The following CUX1 variants were observed in gnomAD, a reference collection of about 807,000 sequenced individuals.
The protein encoded by CUX1 is protein CASP.
Under a neutral mutation model 158.8 loss-of-function variants are expected in CUX1, and 31 were observed. The observed-to-expected ratio is 0.20, with a 90% CI of 0.15 to 0.26. The LOEUF (loss-of-function observed/expected upper bound fraction) is 0.26, where lower values mean the gene tolerates loss of function less well. Among genes scored for constraint, CUX1 ranks in the 10% least tolerant of loss-of-function variants. The pLI is 1.00. For synonymous variants in CUX1, 879 were observed against 862.1 expected (o/e 1.02, Z -0.34); for missense variants, 1,589 against 2,014.6 (o/e 0.79, Z 4.04).
At position 101,851,994 on chromosome 7, in the gene CUX1, A is replaced by C. The variant is rs527921589; in HGVS notation, c.30+34325A>C. The stretch of plus-strand genomic sequence containing the variant: ...CAGGTGCACACCACCACGCCTGGCT[A>C]ATTTTTTAAGTATTTTATAGAGATA... On this transcript the variant is annotated intron_variant, in intron 1 of 23. Coordinates refer to ENST00000292535, the MANE Select transcript of CUX1 (RefSeq NM_181552.4). Among the ~76,000 whole-genome samples, 241 of 151,774 alleles carry C rather than the reference A, an allele frequency of 1.6e-3. 1 individual carries two copies. The highest frequency in any genetic ancestry group is 5.7e-3 in the African/African-American group (235 of 41,420).
intron 2 of CUX1, among the ~76,000 whole-genome samples, chr7:101,987,370 C>T (rs569292366): frequency 5.9e-5 from 9 of 152,322 alleles, no homozygotes; most frequent in East Asian, 1.9e-4. Flanking sequence ...GATACTTCCA[C>T]GGTAATGGGT....
At chr7:102,271,171 CT>C (rs1791187955) in intron 14 of CUX1, among the ~76,000 whole-genome samples, 1 of 152,230 alleles carries the variant, frequency 6.6e-6, no homozygotes, top group Non-Finnish European at 1.5e-5. Flanking sequence ...GGTTCTCCAT[CT>C]CAGCCCTGTC....
rs142379427 is a variant in CUX1, at chr7:102,144,585, T to C, written c.675-13975T>C. Among the ~76,000 whole-genome samples the C allele has an allele frequency of 5.8e-3, 860 of 149,338 alleles. 6 individuals carry two copies. Among genetic ancestry groups the C allele is most frequent in the Middle Eastern group, 0.026 (7 of 268 alleles). ...ACTCAGGAGGCTGAGGTGGGAGGATTGCTTGAGCCCGGGAGGTTGAGGCTG... is the reference window on the plus strand; with the variant it reads ...ACTCAGGAGGCTGAGGTGGGAGGATCGCTTGAGCCCGGGAGGTTGAGGCTG... On this transcript the variant is annotated intron_variant, in intron 8 of 23. Transcript: ENST00000292535.
At chr7:102,089,628 A>G (rs1161318087) in intron 4 of CUX1, among the ~76,000 whole-genome samples, 1 of 152,172 alleles carries the variant, frequency 6.6e-6, no homozygotes, top group East Asian at 1.9e-4. Flanking sequence ...CCAGCCCTCA[A>G]ACTGTGGGAG....
intron 14 of CUX1, among the ~76,000 whole-genome samples, chr7:102,269,415 T>C (rs1791045170): frequency 6.6e-6 from 1 of 151,622 alleles, no homozygotes; most frequent in South Asian, 2.1e-4. Flanking sequence ...CCAAAGTCTT[T>C]TTTTTTTTAG....
chr7:102,073,598 C>T (rs768617207), intron 4 of CUX1, among the ~76,000 whole-genome samples: 6 of 152,170 alleles, frequency 3.9e-5, no homozygotes, highest in Non-Finnish European at 7.4e-5. Context: ...TCTTTCTCTG[C>T]AGTTACGTTC....
At chr7:102,184,331 A>T (rs1793423249) in intron 11 of CUX1, among the ~76,000 whole-genome samples, 1 of 152,246 alleles carries the variant, frequency 6.6e-6, no homozygotes. Context: ...CTGGCATTTC[A>T]GGACCCAGCT....
intron 1 of CUX1, among the ~76,000 whole-genome samples, chr7:101,909,697 A>G (rs1383825100): frequency 1.3e-5 from 2 of 152,194 alleles, no homozygotes; most frequent in African/African-American, 4.8e-5. Context: ...TTAAAGTTTG[A>G]GATAATAAAA....
intron 6 of CUX1, among the ~76,000 whole-genome samples, chr7:102,110,161 A>G (rs1263355254): frequency 6.6e-6 from 1 of 152,190 alleles, no homozygotes; most frequent in Admixed American, 6.5e-5. Flanking sequence ...CCTATTTCAT[A>G]TTCATATTAC....
chr7:102,281,898 T>G (rs1554549377), exon 21 of CUX1: 1 of 1,612,998 alleles, frequency 6.2e-7, no homozygotes, highest in Non-Finnish European at 8.5e-7. Flanking sequence ...TACACACTGT[T>G]CCTGCACTGC....
At position 102,256,592 on chromosome 7, in the gene CUX1, T is replaced by C; in HGVS notation, c.*7550T>C. 9 of 985,346 alleles carry C rather than the reference T, an allele frequency of 9.1e-6. No individual in the cohort carries two copies. The highest frequency in any genetic ancestry group is 1.1e-5 in the Non-Finnish European group (9 of 829,912). The allele number at this position is 985,346 out of a possible 1,614,324, so 61.0% of individuals were successfully genotyped here. A position where few individuals can be genotyped will look rare whatever the true frequency, so the allele number is the denominator to read the frequency against. On this transcript the variant is annotated 3_prime_UTR_variant, in exon 24 of 24. Transcript: ENST00000292535. ...ACTGGTGGTCTCTATGTGTCTAACT[T>C]TTTAAATGAGAGTGTTTATGAACAA...
intron 1 of CUX1, among the ~76,000 whole-genome samples, chr7:101,848,494 A>G (rs191535895): frequency 6.6e-6 from 1 of 152,230 alleles, no homozygotes; most frequent in East Asian, 1.9e-4. Context: ...CAGATGGCAA[A>G]AGAATTTGTT....
Position 102,249,655 on chromosome 7 carries a change from C to T in CUX1, c.*613C>T. 2.0e-6 allele frequency: 2 copies of T among 983,366 alleles called. No individual in the cohort carries two copies. Among genetic ancestry groups the T allele is most frequent in the Non-Finnish European group, 2.4e-6 (2 of 828,610 alleles). 60.9% of individuals were successfully genotyped at this position (983,366 alleles called of 1,614,324 possible). On this transcript the variant is annotated 3_prime_UTR_variant, in exon 24 of 24. Transcript: ENST00000292535. ...CTTCAGAGCGATAATACACTATTAT[C>T]TTCTTAAACCAGGAAAAAATAAAAG...
chr7:102,157,159 G>A (rs1173455229), intron 8 of CUX1, among the ~76,000 whole-genome samples: 2 of 152,030 alleles, frequency 1.3e-5, no homozygotes, highest in South Asian at 4.1e-4. Flanking sequence ...GCCAAGAGGA[G>A]GAAGGAGCCT....
At chr7:102,019,805 A>G (rs1234763776) in intron 2 of CUX1, among the ~76,000 whole-genome samples, 2 of 152,226 alleles carry the variant, frequency 1.3e-5, no homozygotes, top group African/African-American at 4.8e-5. Flanking sequence ...GGAAGAAATT[A>G]TAGCAGGAGT....
At chr7:102,141,695 T>C (rs1834475803) in intron 8 of CUX1, among the ~76,000 whole-genome samples, 1 of 151,926 alleles carries the variant, frequency 6.6e-6, no homozygotes, top group African/African-American at 2.4e-5. Context: ...CAATCTTGGC[T>C]CACTTCAACC....
Position 101,851,758 on chromosome 7 carries a change from C to T in CUX1, c.30+34089C>T, listed in dbSNP as rs561060590. On this transcript the variant is annotated intron_variant, in intron 1 of 23. Transcript: ENST00000292535. ...CTCTGTTTTCTGTCTTCCAGAGTTGCGTTAGTCAGATGTTGCACTTTGTGG... is the reference window on the plus strand; with the variant it reads ...CTCTGTTTTCTGTCTTCCAGAGTTGTGTTAGTCAGATGTTGCACTTTGTGG... 1.4e-4 allele frequency among the ~76,000 whole-genome samples: 22 copies of T among 152,102 alleles called. No individual in the cohort carries two copies. In the South Asian group the frequency reaches 1.7e-3, roughly 11 times the overall value.
chr7:102,041,823 A>G (rs1822145507), intron 3 of CUX1, among the ~76,000 whole-genome samples: 2 of 151,872 alleles, frequency 1.3e-5, no homozygotes, highest in African/African-American at 4.8e-5. Flanking sequence ...GCACACCACT[A>G]TGCCTGGCTA....
rs868996029 is a variant in CUX1 at position 102,133,110 on chromosome 7, C to T, written c.674+17837C>T. On this transcript the variant is annotated intron_variant, in intron 8 of 23. Transcript: ENST00000292535. ...TAAAATCTGTCTGATCCTGCTAAAA[C>T]CTGTCCCACTTAAAATCTCTCCGTG... Among the ~76,000 whole-genome samples the T allele has an allele frequency of 2.6e-5, 4 of 152,300 alleles. No homozygotes were observed. The South Asian group carries it at 6.2e-4, about 24-fold the overall frequency.
Sources: allele counts gnomAD v4.1 joint callset (sites outside exome capture counted in the v4.1 genomes callset), GRCh38; gene constraint gnomAD v4.1.1; transcripts MANE v1.5; gene names NCBI Gene and HGNC (gene_info 2026-07-23, HGNC 2026-07-21).